SLC4A8: variants seen among roughly 807,000 people sequenced by gnomAD.
SLC4A8 encodes solute carrier family 4 member 8.
SLC4A8 carries 40 observed loss-of-function variants against 125.0 expected under a neutral mutation model. The ratio of observed to expected loss-of-function variants is 0.32; its 90% confidence interval spans 0.25 to 0.42. The LOEUF (loss-of-function observed/expected upper bound fraction) is 0.42. Ranked by LOEUF, SLC4A8 falls within the 10% of genes least tolerant of loss-of-function variation. The probability of loss-of-function intolerance (pLI) is 1.00; values close to 1 mark genes in which losing one functional copy is unlikely to be tolerated. For missense variants in SLC4A8, 863 were observed against 1,355.1 expected (o/e 0.64, Z 5.70); for synonymous variants, 456 against 476.0 (o/e 0.96, Z 0.55).
At chr12:51,474,540 C>A in intron 15 of SLC4A8, 93 bp downstream of exon 15, 3 of 1,497,026 alleles carry the variant, frequency 2.0e-6, no homozygotes, top group Non-Finnish European at 2.7e-6. Flanking sequence ...TTTGGCCAAA[C>A]TCTGGCATTT....
intron 1 of SLC4A8, among the ~76,000 whole-genome samples, chr12:51,431,265 G>C (rs2221594): frequency 6.6e-6 from 1 of 152,126 alleles, no homozygotes; most frequent in African/African-American, 2.4e-5. Context: ...TCATAATTTA[G>C]GATGATCTCC....
Position 51,458,717 on chromosome 12 carries a change from T to C in SLC4A8, c.855+67T>C, listed in dbSNP as rs1175716315. ...CCTTTTAGTGGAATCCAGAGTTTAA[T>C]TGCTGGAATCTGGGTAAGGTTTAGT... On this transcript the variant is annotated intron_variant, in intron 7 of 24. Transcript: ENST00000453097. The C allele has an allele frequency of 2.7e-6, 3 of 1,105,014 alleles. No individual in the cohort carries two copies. The African/African-American group carries it at 4.6e-5, about 17-fold the overall frequency. 68.5% of individuals were successfully genotyped at this position (1,105,014 alleles called of 1,614,324 possible). A position where few individuals can be genotyped will look rare whatever the true frequency, so the allele number is the denominator to read the frequency against.
rs901071133 is a variant in SLC4A8, at chr12:51,461,285, A to G, written c.1095A>G (p.Thr365=). ...EIGRSMATIM[T]DEIFHDVAYK... ...GCAGATCCATGGCCACCATCATGACAGATGAGGTATGTGCAACTTTTGCTT... is the reference window on the plus strand; with the variant it reads ...GCAGATCCATGGCCACCATCATGACGGATGAGGTATGTGCAACTTTTGCTT... The change falls in exon 9 of 25, where the codon ACA becomes ACG. Residue 365 remains threonine, a synonymous_variant. Coordinates refer to ENST00000453097, the MANE Select transcript of SLC4A8 (RefSeq NM_001039960.3). 6.3e-7 allele frequency: 1 copy of G among 1,594,410 alleles called. No homozygotes were observed. Among genetic ancestry groups the G allele is most frequent in the Non-Finnish European group, 8.6e-7 (1 of 1,162,262 alleles).
At chr12:51,440,676 A>G (rs1360020572) in intron 1 of SLC4A8, 32 bp from the exon 2 acceptor site, 2 of 1,560,504 alleles carry the variant, frequency 1.3e-6, no homozygotes, top group Non-Finnish European at 1.8e-6. Context: ...AGGTATGTGT[A>G]TTACTGTGAC....
In SLC4A8 at chr12:51,488,768, G is replaced by A. The variant is rs1473969607; in HGVS notation, c.2356G>A (p.Ala786Thr). 6.2e-7 allele frequency: 1 copy of A among 1,613,530 alleles called. No individual in the cohort carries two copies. The highest frequency in any genetic ancestry group is 1.3e-5 in the African/African-American group (1 of 74,892). Residue 786 changes from alanine to threonine, a missense_variant, in exon 18 of 25, where the codon GCA becomes ACA. Coordinates refer to ENST00000453097, the MANE Select transcript of SLC4A8 (RefSeq NM_001039960.3). ...CAATCCCTGGTGGACTGTGATAGCTGCAATTATCCCAGCTCTTCTCTGTAC... is the reference window on the plus strand; with the variant it reads ...CAATCCCTGGTGGACTGTGATAGCTACAATTATCCCAGCTCTTCTCTGTAC... ...GPNPWWTVIA[A>T]IIPALLCTIL... is the part of the protein sequence containing the mutation.
intron 14 of SLC4A8, among the ~76,000 whole-genome samples, chr12:51,472,517 G>A (rs1439032032): frequency 6.6e-6 from 1 of 152,136 alleles, no homozygotes; most frequent in East Asian, 1.9e-4. Flanking sequence ...GCTCCTATTG[G>A]CATTAGAGTT....
intron 16 of SLC4A8, among the ~76,000 whole-genome samples, chr12:51,478,342 G>A (rs1950917006): frequency 6.6e-6 from 1 of 151,946 alleles, no homozygotes; most frequent in African/African-American, 2.4e-5. Flanking sequence ...TGGAGGCTGA[G>A]GCAGGAGAAT....
intron 22 of SLC4A8, among the ~76,000 whole-genome samples, chr12:51,500,055 T>A (rs1366464839): frequency 6.6e-6 from 1 of 152,156 alleles, no homozygotes; most frequent in Non-Finnish European, 1.5e-5. Context: ...CTAATGATGG[T>A]GGGCATGGGT....
intron 16 of SLC4A8, among the ~76,000 whole-genome samples, chr12:51,477,541 C>T (rs1034998430): frequency 6.6e-6 from 1 of 152,164 alleles, no homozygotes; most frequent in Non-Finnish European, 1.5e-5. Flanking sequence ...TGTACTTTGC[C>T]AAAGGTAGAC....
chr12:51,474,039 A>G (rs1014392798), intron 14 of SLC4A8, among the ~76,000 whole-genome samples: 1 of 152,104 alleles, frequency 6.6e-6, no homozygotes, highest in South Asian at 2.1e-4. Context: ...AAAACAAAAC[A>G]AAAACAAAAA....
intron 7 of SLC4A8, among the ~76,000 whole-genome samples, chr12:51,459,098 C>T (rs970300683): frequency 6.6e-6 from 1 of 152,200 alleles, no homozygotes; most frequent in African/African-American, 2.4e-5. Context: ...TCTGTAGCAG[C>T]AGTGTCTCAC....
chr12:51,463,859 A>G, intron 11 of SLC4A8, 145 bp downstream of exon 11: 1 of 593,936 alleles, frequency 1.7e-6, no homozygotes, highest in South Asian at 2.2e-5. Flanking sequence ...ACCACTGACT[A>G]GAAGTATTAT....
chr12:51,422,318 G>C (rs1211745317), upstream of SLC4A8: 1 of 151,788 alleles, frequency 6.6e-6, no homozygotes, highest in Non-Finnish European at 1.5e-5. Context: ...GAAAAATAAA[G>C]TCTGAATGAA....
At chr12:51,425,829 A>C (rs1948952353) in intron 1 of SLC4A8, among the ~76,000 whole-genome samples, 1 of 152,216 alleles carries the variant, frequency 6.6e-6, no homozygotes, top group African/African-American at 2.4e-5. Flanking sequence ...TAAAATGGGA[A>C]TAGTTATGTC....
intron 1 of SLC4A8, among the ~76,000 whole-genome samples, chr12:51,437,314 G>T (rs758056595): frequency 6.6e-6 from 1 of 152,186 alleles, no homozygotes; most frequent in Admixed American, 6.5e-5. Context: ...TAGAAGGAAG[G>T]TGATATCGTT....
At chr12:51,404,304 T>C (rs7310912) in intron 1 of SLC4A8, among the ~76,000 whole-genome samples, 151,828 of 152,284 alleles carry the variant, frequency 1, 75,691 homozygotes, top group Middle Eastern at 1. Flanking sequence ...GAGATTGGGA[T>C]GGGGCAGTCA....
intron 1 of SLC4A8, among the ~76,000 whole-genome samples, chr12:51,439,008 G>T (rs893007363): frequency 7.9e-5 from 12 of 152,200 alleles, no homozygotes; most frequent in African/African-American, 2.7e-4. Context: ...CTAGGATACA[G>T]TGGTGAGGAA....
At chr12:51,468,902 C>T (rs1234412886) in intron 11 of SLC4A8, among the ~76,000 whole-genome samples, 1 of 152,236 alleles carries the variant, frequency 6.6e-6, no homozygotes, top group African/African-American at 2.4e-5. Flanking sequence ...CAAGCACTCT[C>T]ACCTCTAAGT....
intron 9 of SLC4A8, chr12:51,461,556 T>C (rs1031413709): frequency 3.0e-6 from 1 of 337,204 alleles, no homozygotes; most frequent in Non-Finnish European, 5.5e-6. Flanking sequence ...CCAAGTAGGA[T>C]ATATAGAGAA....
Sources: allele counts gnomAD v4.1 joint callset (sites outside exome capture counted in the v4.1 genomes callset), GRCh38; gene constraint gnomAD v4.1.1; transcripts MANE v1.5; gene names NCBI Gene and HGNC (gene_info 2026-07-23, HGNC 2026-07-21).